Variants in PTPN9 observed in about 807,000 individuals in gnomAD.
PTPN9 encodes the protein tyrosine-protein phosphatase non-receptor type 9.
Under a neutral mutation model 69.8 loss-of-function variants are expected in PTPN9, and 26 were observed. The observed-to-expected ratio is 0.37, with a 90% CI of 0.27 to 0.52. The LOEUF (loss-of-function observed/expected upper bound fraction) is 0.52, where lower values mean the gene tolerates loss of function less well. PTPN9 is among the 20% of genes least tolerant of loss of function. The pLI is 0.91. For missense variants in PTPN9, 549 were observed against 740.3 expected (o/e 0.74, Z 3.00); for synonymous variants, 274 against 272.5 (o/e 1.01, Z -0.05).
At position 75,470,686 on chromosome 15, in the gene PTPN9, G is replaced by A. The variant is rs2074559214; in HGVS notation, c.1353C>T (p.Asn451=). 3 of 1,613,962 alleles carry A rather than the reference G, an allele frequency of 1.9e-6. No individual in the cohort carries two copies. The highest frequency in any genetic ancestry group is 1.3e-5 in the African/African-American group (1 of 74,934). Residue 451 remains asparagine, a synonymous_variant, in exon 11 of 13, where the codon AAC becomes AAT. Transcript: ENST00000618819. ...AAAAGAAACCTGGATTTACCTCTGT[G>A]TTGTGAATTTCTAGCGTTGTTTTCT... ...HYKKTTLEIH[N]TEERQKRQVT... is the part of the protein sequence containing the mutation.
chr15:75,490,260 G>A lies in PTPN9; in HGVS notation c.1010C>T (p.Pro337Leu). The A allele has an allele frequency of 6.2e-7, 1 of 1,613,692 alleles. No individual in the cohort carries two copies. Among genetic ancestry groups the A allele is most frequent in the Non-Finnish European group, 8.5e-7 (1 of 1,179,684 alleles). Residue 337 changes from proline to leucine, a missense_variant, in exon 8 of 13, where the codon CCC becomes CTC. Coordinates refer to ENST00000618819, the MANE Select transcript of PTPN9 (RefSeq NM_002833.4). ...CTTCACTCTAGTTTGGTCCAGGCAG[G>A]GTACATCCCCATAACGGTTTTTCTC... ...NLEKNRYGDV[P>L]CLDQTRVKLT...
chr15:75,571,838 A>G (rs2075149753), intron 1 of PTPN9, among the ~76,000 whole-genome samples: 1 of 152,006 alleles, frequency 6.6e-6, no homozygotes. Context: ...AGGTTGTGCC[A>G]TTGTGCTCCA....
chr15:75,490,116 A>G, intron 8 of PTPN9, 92 bp downstream of exon 8: 3 of 1,045,262 alleles, frequency 2.9e-6, no homozygotes, highest in Non-Finnish European at 3.0e-6. Context: ...CTCGGAGTCT[A>G]CTTTCATTCT....
chr15:75,521,944 A>C (rs2074907067), intron 4 of PTPN9, among the ~76,000 whole-genome samples: 1 of 152,152 alleles, frequency 6.6e-6, no homozygotes, highest in Non-Finnish European at 1.5e-5. Context: ...GGGCTCAGAC[A>C]ATCTGCCCAT....
intron 6 of PTPN9, among the ~76,000 whole-genome samples, chr15:75,508,205 A>G (rs1158890317): frequency 6.6e-6 from 1 of 152,104 alleles, no homozygotes; most frequent in African/African-American, 2.4e-5. Flanking sequence ...AACACGCAGG[A>G]GATTATAACA....
At chr15:75,575,875 C>T (rs1418157028) in intron 1 of PTPN9, among the ~76,000 whole-genome samples, 2 of 141,690 alleles carry the variant, frequency 1.4e-5, no homozygotes, top group Admixed American at 7.5e-5. Flanking sequence ...GCCGAGATTG[C>T]GCCACTGCAC....
intron 1 of PTPN9, among the ~76,000 whole-genome samples, chr15:75,566,982 G>C (rs1166239301): frequency 1.3e-5 from 2 of 151,348 alleles, no homozygotes; most frequent in Non-Finnish European, 2.9e-5. Flanking sequence ...AGAAACATAT[G>C]ATCATTGTAG....
intron 2 of PTPN9, among the ~76,000 whole-genome samples, chr15:75,524,862 C>T (rs2074920765): frequency 6.6e-6 from 1 of 151,324 alleles, no homozygotes; most frequent in Non-Finnish European, 1.5e-5. Flanking sequence ...TTGTAACCTG[C>T]CTCCAAGCCA....
At position 75,479,902 on chromosome 15, in the gene PTPN9, T is replaced by TG. The variant is rs1485753400; in HGVS notation, c.1074dup (p.Asn359GlnfsTer27). On this transcript the variant is annotated frameshift_variant, in exon 9 of 13. Transcript: ENST00000618819. LOFTEE classifies it high-confidence loss of function. The stretch of plus-strand genomic sequence containing the variant: ...TTGTAGCCATCCATGAAACTGGCAT[T>TG]GATGTAATCTGTCTAATGATAAAAA... 6.2e-7 allele frequency: 1 copy of TG among 1,607,772 alleles called. No homozygotes were observed. The highest frequency in any genetic ancestry group is 8.5e-7 in the Non-Finnish European group (1 of 1,175,668).
intron 5 of PTPN9, among the ~76,000 whole-genome samples, chr15:75,514,401 A>T (rs1486368220): frequency 2.0e-5 from 3 of 152,168 alleles, no homozygotes; most frequent in Non-Finnish European, 4.4e-5. Flanking sequence ...CACCATGGTG[A>T]AACTCCATCT....
intron 7 of PTPN9, among the ~76,000 whole-genome samples, chr15:75,492,727 T>C (rs1040693011): frequency 1.3e-5 from 2 of 152,232 alleles, no homozygotes; most frequent in African/African-American, 4.8e-5. Context: ...GCAGCTTGTT[T>C]TTGTTTTTGT....
At chr15:75,575,853 A>C (rs528001334) in intron 1 of PTPN9, among the ~76,000 whole-genome samples, 1 of 138,568 alleles carries the variant, frequency 7.2e-6, no homozygotes, top group South Asian at 2.4e-4. Flanking sequence ...CAGGAGGTGG[A>C]GCTTGCAGTG....
chr15:75,574,925 A>G (rs1243860493), intron 1 of PTPN9, among the ~76,000 whole-genome samples: 1 of 146,822 alleles, frequency 6.8e-6, no homozygotes, highest in Non-Finnish European at 1.5e-5. Flanking sequence ...CTGGGCAACA[A>G]GAGCAAAACT....
intron 8 of PTPN9, among the ~76,000 whole-genome samples, chr15:75,485,385 G>A (rs1033810871): frequency 3.8e-4 from 43 of 113,112 alleles, no homozygotes; most frequent in Admixed American, 7.1e-4. Context: ...TTTTTGAGAC[G>A]GAGTCTCGCT....
intron 1 of PTPN9, among the ~76,000 whole-genome samples, chr15:75,532,701 T>C (rs968081520): frequency 6.6e-6 from 1 of 152,210 alleles, no homozygotes; most frequent in African/African-American, 2.4e-5. Context: ...TGATGTGATA[T>C]TTACAGATAC....
At chr15:75,517,470 G>A (rs967669844) in intron 4 of PTPN9, 106 bp from the exon 5 acceptor site, 11 of 765,396 alleles carry the variant, frequency 1.4e-5, no homozygotes, top group South Asian at 1.9e-5. Context: ...ACACATCTAG[G>A]ATCAAAACAA....
intron 1 of PTPN9, among the ~76,000 whole-genome samples, chr15:75,554,730 A>G (rs186760020): frequency 3.5e-4 from 54 of 152,334 alleles, no homozygotes; most frequent in Non-Finnish European, 1.0e-4. Flanking sequence ...TGTACCTAAG[A>G]GACTATTTGC....
intron 8 of PTPN9, among the ~76,000 whole-genome samples, chr15:75,480,342 C>A (rs1401955500): frequency 6.6e-6 from 1 of 152,124 alleles, no homozygotes; most frequent in Admixed American, 6.5e-5. Context: ...CGGTGGCTCA[C>A]GCCTGTAATC....
chr15:75,563,395 C>G (rs1481290543), intron 1 of PTPN9, among the ~76,000 whole-genome samples: 1 of 152,244 alleles, frequency 6.6e-6, no homozygotes, highest in African/African-American at 2.4e-5. Flanking sequence ...TGCATCTTAG[C>G]CAGGTTAGTC....
Sources: allele counts gnomAD v4.1 joint callset (sites outside exome capture counted in the v4.1 genomes callset), GRCh38; gene constraint gnomAD v4.1.1; transcripts MANE v1.5; gene names NCBI Gene and HGNC (gene_info 2026-07-23, HGNC 2026-07-21).